JUP: variants seen among roughly 807,000 people sequenced by gnomAD.
JUP encodes the protein junction plakoglobin, also known as catenin (cadherin-associated protein), gamma 80kDa.
Under a neutral mutation model 71.1 loss-of-function variants are expected in JUP, and 28 were observed. The observed-to-expected ratio is 0.39, with a 90% CI of 0.29 to 0.54. JUP has a LOEUF of 0.54. JUP is among the 20% of genes least tolerant of loss of function. The pLI, the probability that JUP is intolerant of heterozygous loss-of-function variation, is 0.62. For synonymous variants in JUP, 401 were observed against 438.9 expected, an observed-to-expected ratio of 0.91 and a Z score of 1.08; for missense variants, 869 against 1,030.1, an observed-to-expected ratio of 0.84 and a Z score of 2.14.
At chr17:41,781,859 C>T (rs571491989) in intron 1 of JUP, among the ~76,000 whole-genome samples, 58 of 152,320 alleles carry the variant, frequency 3.8e-4, no homozygotes, top group African/African-American at 1.4e-3. Flanking sequence ...GTCTAGACTG[C>T]GTCCCTTCAG....
chr17:41,761,457 C>T (rs1308170398), intron 8 of JUP, among the ~76,000 whole-genome samples: 2 of 151,510 alleles, frequency 1.3e-5, no homozygotes, highest in South Asian at 2.1e-4. Context: ...ACAACCCTCT[C>T]GTCTACACCC....
chr17:41,760,245 GTTTGTTTGTT>G (rs1567805715), intron 8 of JUP, among the ~76,000 whole-genome samples: 2 of 151,388 alleles, frequency 1.3e-5, no homozygotes, highest in African/African-American at 4.9e-5. Flanking sequence ...GGTTTTTTTT[GTTTGTTTGTT>G]TTTTTGTTTG....
At position 41,757,044 on chromosome 17, in the gene JUP, C is replaced by CA. The variant is rs202146515; in HGVS notation, c.2046+370dup. ...GTACTCCCCAGGGAGGAGGGTTCCC[C>CA]ACTCATGAAGCAGGGACTCCTGCCG... On this transcript the variant is annotated intron_variant, in intron 12 of 13. Coordinates refer to ENST00000393931, the MANE Select transcript of JUP (RefSeq NM_002230.4). Among the ~76,000 whole-genome samples, 938 of 152,280 alleles carry CA rather than the reference C, an allele frequency of 6.2e-3. 13 individuals are homozygous for CA. The highest frequency in any genetic ancestry group is 0.021 in the African/African-American group (890 of 41,550).
intron 1 of JUP, among the ~76,000 whole-genome samples, chr17:41,774,373 G>A (rs574331515): frequency 2.4e-4 from 36 of 151,744 alleles, no homozygotes; most frequent in East Asian, 3.9e-4. Context: ...TCTCTCTGTC[G>A]CCCAAGTTGG....
At chr17:41,768,832 C>T (rs1462064675) in intron 4 of JUP, 137 bp downstream of exon 4, 16 of 739,634 alleles carry the variant, frequency 2.2e-5, no homozygotes, top group Admixed American at 1.6e-4. Context: ...TGTGAGCCAC[C>T]GAGCACCCGG....
At chr17:41,771,922 C>T in intron 1 of JUP, 60 bp from the exon 2 acceptor site, 1 of 1,380,010 alleles carries the variant, frequency 7.2e-7, no homozygotes, top group Non-Finnish European at 1.0e-6. Flanking sequence ...CCCCCAGCTT[C>T]AGCCCGTCAC....
At chr17:41,758,289 C>T (rs1414773600) in intron 10 of JUP, 110 bp downstream of exon 10, 1 of 1,466,156 alleles carries the variant, frequency 6.8e-7, no homozygotes, top group Non-Finnish European at 9.4e-7. Context: ...CTCCAAACTC[C>T]TCCAAAGACC....
At chr17:41,778,553 C>G (rs1266989860) in intron 1 of JUP, among the ~76,000 whole-genome samples, 1 of 108,914 alleles carries the variant, frequency 9.2e-6, no homozygotes, top group Admixed American at 9.1e-5. Flanking sequence ...CAGTGAGACC[C>G]CATCTCAAAA....
chr17:41,760,624 G>A (rs1555600745), intron 8 of JUP, among the ~76,000 whole-genome samples: 1 of 152,014 alleles, frequency 6.6e-6, no homozygotes, highest in African/African-American at 2.4e-5. Context: ...TGCAATGAGC[G>A]ATCTCAGCTC....
rs147370522 is a variant in JUP, at chr17:41,763,103, C to A, written c.1377G>T (p.Leu459=). Residue 459 remains leucine, a synonymous_variant, in exon 8 of 14, where the codon CTG becomes CTT. Transcript: ENST00000393931. ...CAGGGTGGCGGCTAGTGAGGTGGCG[C>A]AGAGCGCAGACGGCAGGCTCCGTGA... ...DDITEPAVCA[L]RHLTSRHPEA... 123 of 1,614,208 alleles carry A rather than the reference C, an allele frequency of 7.6e-5. No homozygotes were observed. The East Asian group carries it at 1.1e-3, about 14-fold the overall frequency.
At chr17:41,772,915 A>G in intron 1 of JUP, 1 of 985,424 alleles carries the variant, frequency 1.0e-6, no homozygotes, top group Non-Finnish European at 1.2e-6. Context: ...ACTGACCTGC[A>G]GAGGTCAGAG....
At chr17:41,774,136 G>A (rs1597843104) in intron 1 of JUP, among the ~76,000 whole-genome samples, 1 of 151,820 alleles carries the variant, frequency 6.6e-6, no homozygotes, top group East Asian at 1.9e-4. Flanking sequence ...TTCCTCAGCA[G>A]GCCCCTCACC....
At chr17:41,770,109 ACC>A in intron 2 of JUP, among the ~76,000 whole-genome samples, 1 of 152,050 alleles carries the variant, frequency 6.6e-6, no homozygotes, top group Non-Finnish European at 1.5e-5. Context: ...CTCCTCCCTT[ACC>A]CATCAGGTCT....
At chr17:41,756,766 A>G (rs548922184) in intron 12 of JUP, among the ~76,000 whole-genome samples, 8 of 150,774 alleles carry the variant, frequency 5.3e-5, no homozygotes, top group Non-Finnish European at 7.4e-5. Flanking sequence ...CGGGTGTGGT[A>G]GCGTGCACCT....
intron 5 of JUP, 65 bp downstream of exon 5, chr17:41,767,314 C>G: frequency 1.4e-6 from 2 of 1,385,852 alleles, no homozygotes; most frequent in East Asian, 4.6e-5. Flanking sequence ...CGGCCCAAGG[C>G]TGTGCAGGAT....
intron 8 of JUP, among the ~76,000 whole-genome samples, chr17:41,761,560 C>G (rs1934807056): frequency 6.6e-6 from 1 of 152,110 alleles, no homozygotes. Flanking sequence ...ACCTGTAATC[C>G]TAGCACTTTG....
chr17:41,770,397 A>G (rs1231259440), intron 2 of JUP, among the ~76,000 whole-genome samples: 11 of 152,126 alleles, frequency 7.2e-5, no homozygotes, highest in Non-Finnish European at 1.5e-4. Flanking sequence ...AACTGTCCTG[A>G]TGCCCCCAGG....
intron 1 of JUP, among the ~76,000 whole-genome samples, chr17:41,784,594 A>T (rs147984100): frequency 5.3e-5 from 8 of 151,932 alleles, no homozygotes; most frequent in Non-Finnish European, 1.0e-4. Flanking sequence ...TTTTGCCCAA[A>T]CTCCCTGCTC....
At chr17:41,775,663 G>A (rs2046846531) in intron 1 of JUP, among the ~76,000 whole-genome samples, 1 of 152,176 alleles carries the variant, frequency 6.6e-6, no homozygotes, top group Admixed American at 6.5e-5. Flanking sequence ...TTGAATGGGG[G>A]GCCTTTGTTT....
Sources: gnomAD v4.1 joint callset for allele counts (sites outside exome capture counted in the v4.1 genomes callset) on GRCh38, gnomAD v4.1.1 for gene constraint, MANE v1.5 for transcripts, NCBI Gene and HGNC (gene_info 2026-07-23, HGNC 2026-07-21) for gene names.